Variants in GLDC observed in about 807,000 individuals in gnomAD.
The protein encoded by GLDC is glycine decarboxylase.
In GLDC, 104 loss-of-function variants were observed where a neutral mutation model predicts 121.3. That is an observed-to-expected ratio of 0.86 (90% CI 0.73 to 1.01). The LOEUF (loss-of-function observed/expected upper bound fraction) is 1.01, where lower values mean the gene tolerates loss of function less well. Among genes scored for constraint, GLDC ranks in the 50% least tolerant of loss-of-function variants. GLDC has a pLI of 0.00. For missense variants in GLDC, 1,429 were observed against 1,306.6 expected (o/e 1.09, Z -1.44); for synonymous variants, 546 against 480.6 (o/e 1.14, Z -1.78).
intron 21 of GLDC, among the ~76,000 whole-genome samples, chr9:6,546,287 G>C (rs909979882): frequency 6.6e-6 from 1 of 151,578 alleles, no homozygotes; most frequent in Non-Finnish European, 1.5e-5. Flanking sequence ...CAACTTCCCA[G>C]GCTCAAGCAA....
intron 8 of GLDC, among the ~76,000 whole-genome samples, chr9:6,595,859 T>C (rs2129864220): frequency 6.6e-6 from 1 of 152,322 alleles, no homozygotes; most frequent in Middle Eastern, 3.4e-3. Flanking sequence ...CAATACTGGG[T>C]CCATTTTGTT....
chr9:6,616,879 G>C (rs1325270338), intron 3 of GLDC, among the ~76,000 whole-genome samples: 1 of 152,072 alleles, frequency 6.6e-6, no homozygotes, highest in African/African-American at 2.4e-5. Flanking sequence ...GGGTTTGCAG[G>C]ACAAACACTC....
At chr9:6,594,074 C>T (rs1184610080) in intron 9 of GLDC, among the ~76,000 whole-genome samples, 1 of 152,132 alleles carries the variant, frequency 6.6e-6, no homozygotes, top group Non-Finnish European at 1.5e-5. Context: ...ATCCTCCTGG[C>T]TCAGCCTCCA....
chr9:6,539,535 A>C (rs973489060), intron 22 of GLDC, among the ~76,000 whole-genome samples: 16 of 152,186 alleles, frequency 1.1e-4, no homozygotes, highest in Non-Finnish European at 1.0e-4. Context: ...AACATTGTTC[A>C]CTAGGAAAAT....
At chr9:6,552,037 A>G (rs1356921167) in intron 20 of GLDC, among the ~76,000 whole-genome samples, 1 of 152,144 alleles carries the variant, frequency 6.6e-6, no homozygotes, top group Non-Finnish European at 1.5e-5. Context: ...CGTGCAGGCT[A>G]GTGAGAACCA....
chr9:6,644,958 C>A (rs1469304835), intron 1 of GLDC: 1 of 611,162 alleles, frequency 1.6e-6, no homozygotes, highest in Non-Finnish European at 2.9e-6. Flanking sequence ...GGGTCTTCCT[C>A]CTCTTGCAAA....
intron 2 of GLDC, among the ~76,000 whole-genome samples, chr9:6,639,890 G>C (rs1016313345): frequency 2.6e-5 from 4 of 152,018 alleles, no homozygotes; most frequent in Non-Finnish European, 5.9e-5. Context: ...CCAGGAAACC[G>C]AACAACAACT....
chr9:6,591,906 T>C, intron 11 of GLDC: 2 of 363,786 alleles, frequency 5.5e-6, no homozygotes, highest in Non-Finnish European at 1.1e-5. Flanking sequence ...GCACTTTCAA[T>C]GAAACACCAT....
chr9:6,553,496 C>T lies in GLDC; in HGVS notation c.2329G>A (p.Ala777Thr), dbSNP rs778484895. The T allele has an allele frequency of 2.2e-5, 36 of 1,611,540 alleles. No individual in the cohort carries two copies. Among genetic ancestry groups the T allele is most frequent in the South Asian group, 3.3e-5 (3 of 90,898 alleles). ...MGPIGVKKHL[A>T]PFLPNHPVIS... ...ACGGGATGATTGGGCAAAAACGGGG[C>T]GAGATGTTTCTTCCTGTATTTTTTT... Residue 777 changes from alanine (A) to threonine (T), a missense_variant, in exon 20 of 25, where the codon GCC becomes ACC. Coordinates refer to ENST00000321612, the MANE Select transcript of GLDC (RefSeq NM_000170.3).
chr9:6,575,593 C>CCTT (rs1160024261), intron 15 of GLDC, among the ~76,000 whole-genome samples: 5 of 152,234 alleles, frequency 3.3e-5, no homozygotes, highest in African/African-American at 4.8e-5. Flanking sequence ...TAAGAATCTT[C>CCTT]CCATGAAGGA....
intron 2 of GLDC, among the ~76,000 whole-genome samples, chr9:6,622,536 A>T (rs1819128009): frequency 6.6e-6 from 1 of 151,950 alleles, no homozygotes; most frequent in African/African-American, 2.4e-5. Context: ...AGTCTCGTTC[A>T]CTCAGTGCTC....
At chr9:6,548,448 G>A (rs142765557) in intron 21 of GLDC, among the ~76,000 whole-genome samples, 182 of 152,292 alleles carry the variant, frequency 1.2e-3, no homozygotes, top group African/African-American at 4.3e-3. Context: ...TTATTGTGCT[G>A]CTTAGAGACA....
Position 6,534,780 on chromosome 9 carries a change from T to C in GLDC, c.2847A>G (p.Pro949=). ...DPRVNPLKMS[P]HSLTCVTSSH... is the part of the protein sequence containing the mutation. ...AAGATGTAACGCAGGTCAGGGAGTG[T>C]GGAGACATCTGAGACAGAGACACGG... The change falls in exon 24 of 25, where the codon CCA becomes CCG. Residue 949 remains proline, a synonymous_variant. Coordinates refer to ENST00000321612, the MANE Select transcript of GLDC (RefSeq NM_000170.3). 6.3e-7 allele frequency: 1 copy of C among 1,590,452 alleles called. No individual in the cohort carries two copies.
rs146452591 is a variant in GLDC, at chr9:6,537,166, G to A, written c.2666-930C>T. 9.2e-3 allele frequency among the ~76,000 whole-genome samples: 1,396 copies of A among 151,988 alleles called. 21 individuals are homozygous for A. Among genetic ancestry groups the A allele is most frequent in the African/African-American group, 0.032 (1,325 of 41,426 alleles). On this transcript the variant is annotated intron_variant, in intron 22 of 24. Coordinates refer to ENST00000321612, the MANE Select transcript of GLDC (RefSeq NM_000170.3). ...CCACCTAAGCCTTCCAAGTAGCTGA[G>A]ACTACAGGTGCACGCCACCATGCCC...
chr9:6,619,514 G>C (rs545024133), intron 3 of GLDC, among the ~76,000 whole-genome samples: 1 of 152,128 alleles, frequency 6.6e-6, no homozygotes, highest in Admixed American at 6.5e-5. Flanking sequence ...GATCACCTGA[G>C]GTCAGGAGTT....
At chr9:6,630,001 G>T (rs867318755) in intron 2 of GLDC, among the ~76,000 whole-genome samples, 6 of 91,446 alleles carry the variant, frequency 6.6e-5, no homozygotes, top group African/African-American at 2.0e-4. Context: ...TGTTTCCCAG[G>T]CTGGTTTCAA....
chr9:6,573,497 T>G (rs1333327134), intron 15 of GLDC, among the ~76,000 whole-genome samples: 1 of 152,062 alleles, frequency 6.6e-6, no homozygotes, highest in Non-Finnish European at 1.5e-5. Context: ...TTTATGTGAT[T>G]TTTTAAAAAA....
In GLDC at chr9:6,558,661, T is replaced by C. The variant is rs1458021364; in HGVS notation, c.1950A>G (p.Ala650=). Residue 650 remains alanine (A), a synonymous_variant, in exon 17 of 25, where the codon GCA becomes GCG. Transcript: ENST00000321612. ...HRTVCLIPKS[A]HGTNPASAHM... ...GGGCACTTGCTGGGTTGGTCCCATG[T>C]GCTGATTTCGGAATGAGGCAAACCT... The C allele has an allele frequency of 6.2e-7, 1 of 1,614,198 alleles. No homozygotes were observed. Among genetic ancestry groups the C allele is most frequent in the South Asian group, 1.1e-5 (1 of 91,088 alleles).
chr9:6,570,696 A>C (rs890271112), intron 15 of GLDC, among the ~76,000 whole-genome samples: 9 of 152,104 alleles, frequency 5.9e-5, no homozygotes, highest in Non-Finnish European at 1.3e-4. Context: ...TCTACTAAAA[A>C]TACAAAAATT....
Sources: gnomAD v4.1 joint callset for allele counts (sites outside exome capture counted in the v4.1 genomes callset) on GRCh38, gnomAD v4.1.1 for gene constraint, MANE v1.5 for transcripts, NCBI Gene and HGNC (gene_info 2026-07-23, HGNC 2026-07-21) for gene names.